Variants in ZBTB20 observed in about 807,000 individuals in gnomAD.
The protein encoded by ZBTB20 is zinc finger and BTB domain containing 20.
ZBTB20 carries 9 observed loss-of-function variants against 56.9 expected under a neutral mutation model. The ratio of observed to expected loss-of-function variants is 0.16; its 90% CI spans 0.10 to 0.28. The LOEUF is 0.28. ZBTB20 is among the 10% of genes least tolerant of loss of function. The pLI is 1.00. For missense variants in ZBTB20, 655 were observed against 1,003.0 expected, an observed-to-expected ratio of 0.65 and a Z score of 4.69; for synonymous variants, 417 against 420.7, an observed-to-expected ratio of 0.99 and a Z score of 0.11.
intron 3 of ZBTB20, among the ~76,000 whole-genome samples, chr3:114,966,037 G>A (rs1249635920): frequency 1.3e-5 from 2 of 152,140 alleles, no homozygotes; most frequent in African/African-American, 4.8e-5. Flanking sequence ...AAACTAATGA[G>A]TTTTAAAAGA....
In ZBTB20 at chr3:114,614,736, T is replaced by TG; in HGVS notation, c.-295+78791_-295+78792insC. 2.8e-5 allele frequency among the ~76,000 whole-genome samples: 3 copies of TG among 106,468 alleles called. 1 individual carries two copies. Among genetic ancestry groups the TG allele is most frequent in the African/African-American group, 7.6e-5 (3 of 39,708 alleles). 69.8% of individuals were successfully genotyped at this position (106,468 alleles called of 152,430 possible). A position where few individuals can be genotyped will look rare whatever the true frequency, so the allele number is the denominator to read the frequency against. On this transcript the variant is annotated intron_variant, in intron 6 of 11. Transcript: ENST00000675478. ...GTGTCCAATCTCATAGTGGCCACTT[T>TG]TTTTGTTTGTTTGTTTGTTTGTTTG... is the stretch of plus-strand genomic sequence containing the variant.
intron 3 of ZBTB20, among the ~76,000 whole-genome samples, chr3:114,967,741 G>A (rs891434296): frequency 7.9e-5 from 12 of 152,078 alleles, no homozygotes; most frequent in South Asian, 2.1e-4. Flanking sequence ...TGGATCACCC[G>A]AGGTCAGGAG....
At chr3:114,770,622 C>A (rs140821278) in intron 5 of ZBTB20, among the ~76,000 whole-genome samples, 2 of 152,130 alleles carry the variant, frequency 1.3e-5, no homozygotes, top group African/African-American at 4.8e-5. Context: ...TAGAAAAAAG[C>A]GCCATCTTTT....
intron 3 of ZBTB20, among the ~76,000 whole-genome samples, chr3:114,906,907 A>G (rs1319271894): frequency 6.6e-6 from 1 of 151,820 alleles, no homozygotes; most frequent in African/African-American, 2.4e-5. Flanking sequence ...TCAACATGAT[A>G]CAAAAACTGC....
chr3:114,608,644 A>C (rs2057339446), intron 6 of ZBTB20, among the ~76,000 whole-genome samples: 1 of 152,222 alleles, frequency 6.6e-6, no homozygotes, highest in African/African-American at 2.4e-5. Context: ...ACATTTACTC[A>C]GTTTTCAGGA....
intron 3 of ZBTB20, among the ~76,000 whole-genome samples, chr3:114,952,906 C>T (rs2107922531): frequency 6.6e-6 from 1 of 152,004 alleles, no homozygotes; most frequent in Middle Eastern, 3.4e-3. Context: ...AAACACTGAA[C>T]ATTAGGAATG....
chr3:114,379,673 T>A (rs1443207450), intron 10 of ZBTB20, among the ~76,000 whole-genome samples: 1 of 152,240 alleles, frequency 6.6e-6, no homozygotes, highest in East Asian at 1.9e-4. Flanking sequence ...CTGGGTGGCT[T>A]CTGAATTCTT....
chr3:114,992,666 G>C (rs1442186657), intron 2 of ZBTB20, among the ~76,000 whole-genome samples: 1 of 151,816 alleles, frequency 6.6e-6, no homozygotes, highest in Non-Finnish European at 1.5e-5. Context: ...AACAGAAGCT[G>C]AGACTCCCAC....
intron 5 of ZBTB20, among the ~76,000 whole-genome samples, chr3:114,709,535 C>A (rs557213078): frequency 6.6e-6 from 1 of 152,158 alleles, no homozygotes; most frequent in East Asian, 1.9e-4. Flanking sequence ...ACCTATCAAT[C>A]CAGTACATGC....
At chr3:114,770,333 A>G (rs1000813788) in intron 5 of ZBTB20, among the ~76,000 whole-genome samples, 4 of 151,158 alleles carry the variant, frequency 2.6e-5, no homozygotes, top group African/African-American at 9.7e-5. Flanking sequence ...CCACCTACTC[A>G]GGAGGCTGAG....
rs1479459397 is a variant in ZBTB20 at position 114,320,282 on chromosome 3, G to T, written c.*18723C>A. ...TGTTTTGTTTCTGATTTTTTAAACAGTGAAATATGTCCAATTTTATTTCCA... is the reference window on the plus strand; with the variant it reads ...TGTTTTGTTTCTGATTTTTTAAACATTGAAATATGTCCAATTTTATTTCCA... On this transcript the variant is annotated 3_prime_UTR_variant, in exon 12 of 12. Coordinates refer to ENST00000675478, the MANE Select transcript of ZBTB20 (RefSeq NM_001348800.3). 1 of 151,954 alleles carries T rather than the reference G, an allele frequency of 6.6e-6. No individual in the cohort carries two copies. The highest frequency in any genetic ancestry group is 6.6e-5 in the Admixed American group (1 of 15,252). 9.4% of individuals were successfully genotyped at this position (151,954 alleles called of 1,614,324 possible). A position where few individuals can be genotyped will look rare whatever the true frequency, so the allele number is the denominator to read the frequency against.
chr3:114,961,594 G>C (rs1257912251), intron 3 of ZBTB20, among the ~76,000 whole-genome samples: 1 of 152,000 alleles, frequency 6.6e-6, no homozygotes, highest in Admixed American at 6.6e-5. Flanking sequence ...AAAAAAGTGG[G>C]CTCCATTTCT....
At chr3:114,413,917 C>T (rs547784707) in intron 7 of ZBTB20, among the ~76,000 whole-genome samples, 31 of 152,188 alleles carry the variant, frequency 2.0e-4, no homozygotes, top group Non-Finnish European at 3.5e-4. Flanking sequence ...TGTTTTCTGC[C>T]CAGTAGCCTG....
chr3:114,431,848 C>A (rs924665505), intron 7 of ZBTB20, among the ~76,000 whole-genome samples: 1 of 152,144 alleles, frequency 6.6e-6, no homozygotes, highest in African/African-American at 2.4e-5. Flanking sequence ...AGATTCATGG[C>A]TGGGATTCCA....
At chr3:114,742,941 G>A (rs1399650881) in intron 5 of ZBTB20, among the ~76,000 whole-genome samples, 1 of 152,134 alleles carries the variant, frequency 6.6e-6, no homozygotes, top group Non-Finnish European at 1.5e-5. Context: ...CAATATGTGA[G>A]GTAGTACAAG....
chr3:114,689,158 T>A (rs1038893618), intron 6 of ZBTB20, among the ~76,000 whole-genome samples: 1 of 152,186 alleles, frequency 6.6e-6, no homozygotes, highest in Admixed American at 6.6e-5. Flanking sequence ...CCACTCTAGG[T>A]AGAGCAGAAT....
At chr3:115,107,550 G>A (rs2083758645) in intron 1 of ZBTB20, among the ~76,000 whole-genome samples, 1 of 152,224 alleles carries the variant, frequency 6.6e-6, no homozygotes. Flanking sequence ...TACACCATTG[G>A]TGGGAATGTT....
chr3:114,753,982 A>G (rs535601201), intron 5 of ZBTB20, among the ~76,000 whole-genome samples: 1 of 152,298 alleles, frequency 6.6e-6, no homozygotes, highest in East Asian at 1.9e-4. Context: ...GAAAACTTCA[A>G]TCACCAATGA....
At chr3:115,012,170 A>C (rs942116287) in intron 2 of ZBTB20, among the ~76,000 whole-genome samples, 5 of 151,764 alleles carry the variant, frequency 3.3e-5, no homozygotes, top group Non-Finnish European at 5.9e-5. Flanking sequence ...ACCACAAAAC[A>C]ACCAGGAAAC....
Sources: allele counts gnomAD v4.1 joint callset (sites outside exome capture counted in the v4.1 genomes callset), GRCh38; gene constraint gnomAD v4.1.1; transcripts MANE v1.5; gene names NCBI Gene and HGNC (gene_info 2026-07-23, HGNC 2026-07-21).